CALHM3: variants seen among roughly 807,000 people sequenced by gnomAD.
The protein encoded by CALHM3 is calcium homeostasis modulator protein 3.
Under a neutral mutation model 13.6 loss-of-function variants are expected in CALHM3, and 9 were observed. That is an observed-to-expected ratio of 0.66 (90% CI 0.40 to 1.15). The LOEUF (loss-of-function observed/expected upper bound fraction) is 1.15. CALHM3 is among the 50% of genes most tolerant of loss of function. The pLI is 0.01. For missense variants in CALHM3, 497 were observed against 463.4 expected (o/e 1.07, Z -0.67); for synonymous variants, 231 against 213.2 (o/e 1.08, Z -0.73).
At position 103,472,932 on chromosome 10, in the gene CALHM3, C is replaced by T. The variant is rs7069571; in HGVS notation, c.*281G>A. 2 of 360,950 alleles carry T rather than the reference C, an allele frequency of 5.5e-6. No homozygotes were observed. Among genetic ancestry groups the T allele is most frequent in the Non-Finnish European group, 9.8e-6 (2 of 203,576 alleles). 22.4% of individuals were successfully genotyped at this position (360,950 alleles called of 1,614,324 possible). On this transcript the variant is annotated 3_prime_UTR_variant, in exon 3 of 3. Transcript: ENST00000369783. ...TCACTGACCAAAAGCACATCAGCCT[C>T]CAGGAGCTTGTTTAAAATGCAGAAT...
At chr10:103,474,747 G>A (rs1179378845) in intron 2 of CALHM3, among the ~76,000 whole-genome samples, 3 of 152,098 alleles carry the variant, frequency 2.0e-5, no homozygotes, top group Admixed American at 6.6e-5. Flanking sequence ...GAGCCACCAC[G>A]CCCGGCCCCC....
chr10:103,474,873 T>A (rs562997957), intron 2 of CALHM3, among the ~76,000 whole-genome samples: 1 of 152,174 alleles, frequency 6.6e-6, no homozygotes, highest in Non-Finnish European at 1.5e-5. Context: ...AACTAGGGGC[T>A]CAGTCGTTGC....
intron 1 of CALHM3, 118 bp from the exon 2 acceptor site, chr10:103,476,667 A>T: frequency 8.1e-7 from 1 of 1,236,296 alleles, no homozygotes; most frequent in East Asian, 2.5e-5. Flanking sequence ...TGCAGCTCCC[A>T]GTGTAGAGGT....
In CALHM3 at chr10:103,473,417, T is replaced by TGGGGGCTCAGGCACTGCG. The variant is rs143800079; in HGVS notation, c.813_830dup (p.Ala272_Pro277dup). On this transcript the variant is annotated inframe_insertion, in exon 3 of 3. Coordinates refer to ENST00000369783, the MANE Select transcript of CALHM3 (RefSeq NM_001129742.2). ...TCCCACTTCCACTATCCAGGCCTTC[T>TGGGGGCTCAGGCACTGCG]GGGGGCTCAGGCACTGCGGGGAGCT... The TGGGGGCTCAGGCACTGCG allele has an allele frequency of 0.023, 34,735 of 1,517,292 alleles. 3,850 individuals are homozygous for TGGGGGCTCAGGCACTGCG. In the African/African-American group the frequency reaches 0.3, roughly 13 times the overall value. 94.0% of individuals were successfully genotyped at this position (1,517,292 alleles called of 1,614,324 possible).
chr10:103,478,634 T>A, intron 1 of CALHM3, 112 bp downstream of exon 1: 1 of 1,134,802 alleles, frequency 8.8e-7, no homozygotes, highest in Non-Finnish European at 1.2e-6. Context: ...GGGTGGAGAA[T>A]CCCCTGATAA....
Position 103,476,507 on chromosome 10 carries a change from G to C in CALHM3, c.330C>G (p.Pro110=). The C allele has an allele frequency of 1.3e-6, 2 of 1,551,652 alleles. No individual in the cohort carries two copies. The highest frequency in any genetic ancestry group is 1.7e-6 in the Non-Finnish European group (2 of 1,147,002). The change falls in exon 2 of 3, where the codon CCC becomes CCG. Residue 110 remains proline (P), a synonymous_variant. Coordinates refer to ENST00000369783, the MANE Select transcript of CALHM3 (RefSeq NM_001129742.2). ...SSVLQRALAA[P]LVWILLALLD... ...GGAGGGCCAGCAGGATCCAGACCAG[G>C]GGGGCGGCCAGCGCCCTCTGCAGCA...
In CALHM3 at chr10:103,479,063, G is replaced by A. The variant is rs1366156843; in HGVS notation, c.-31C>T. The A allele has an allele frequency of 1.2e-5, 18 of 1,523,786 alleles. No homozygotes were observed. The highest frequency in any genetic ancestry group is 1.4e-5 in the Non-Finnish European group (16 of 1,132,314). The allele number at this position is 1,523,786 out of a possible 1,614,324, so 94.4% of individuals were successfully genotyped here. A position where few individuals can be genotyped will look rare whatever the true frequency, so the allele number is the denominator to read the frequency against. On this transcript the variant is annotated 5_prime_UTR_variant, in exon 1 of 3. Coordinates refer to ENST00000369783, the MANE Select transcript of CALHM3 (RefSeq NM_001129742.2). The stretch of plus-strand genomic sequence containing the variant: ...CAGCCTGGGTGGGTGGGCGGCCGTC[G>A]GTTCGGCTCAGTGAGGCTCTGGCCA...
rs1050886685 is a variant in CALHM3 at position 103,478,817 on chromosome 10, C to T, written c.216G>A (p.Arg72=). The change falls in exon 1 of 3, where the codon CGG becomes CGA. Residue 72 remains arginine (R), a synonymous_variant. Transcript: ENST00000369783. ...ACTCCTCGACCATCACCACAGACTG[C>T]CGGTTGGCGAGGAGGCCGCAGAGAA... The part of the protein sequence containing the change: ...ALFLCGLLAN[R]QSVVMVEEWR... 2.6e-6 allele frequency: 4 copies of T among 1,551,462 alleles called. No individual in the cohort carries two copies. Among genetic ancestry groups the T allele is most frequent in the Non-Finnish European group, 3.5e-6 (4 of 1,146,972 alleles).
rs1592163085 is a variant in CALHM3 at position 103,473,650 on chromosome 10, A to G, written c.598T>C (p.Cys200Arg). The G allele has an allele frequency of 1.3e-6, 2 of 1,551,054 alleles. No homozygotes were observed. The highest frequency in any genetic ancestry group is 1.7e-6 in the Non-Finnish European group (2 of 1,146,974). Residue 200 changes from cysteine (C) to arginine (R), a missense_variant, in exon 3 of 3, where the codon TGC (cysteine) becomes CGC (arginine). Cys to Arg is a radical substitution (Grantham distance 180). Coordinates refer to ENST00000369783, the MANE Select transcript of CALHM3 (RefSeq NM_001129742.2). Reference sequence around the variant, plus strand: ...GTCTGGTCGAAGCAGGGCCTCAGGCAGCGGGCCAGGAAGGCCGCGATGATC... The same window carrying G: ...GTCTGGTCGAAGCAGGGCCTCAGGCGGCGGGCCAGGAAGGCCGCGATGATC... ...LLIIAAFLAR[C>R]LRPCFDQTVF... is the part of the protein sequence containing the mutation.
Position 103,473,266 on chromosome 10 carries a change from G to T in CALHM3, c.982C>A (p.Arg328Ser), listed in dbSNP as rs1355714269. 1.4e-6 allele frequency: 2 copies of T among 1,449,704 alleles called. No homozygotes were observed. Among genetic ancestry groups the T allele is most frequent in the Non-Finnish European group, 1.8e-6 (2 of 1,098,218 alleles). 89.8% of individuals were successfully genotyped at this position (1,449,704 alleles called of 1,614,324 possible). ...GTGCCCAGTGCCAAGGTAGGGGCGC[G>T]GTGGCTAAGGCCACCCCCGCAGAGC... ...PGLCGGGLSH[R>S]APTLALGTRL... is the part of the protein sequence containing the mutation. Residue 328 changes from arginine to serine, a missense_variant, in exon 3 of 3, where the codon CGC (arginine) becomes AGC (serine). Physicochemically the swap from Arg to Ser is moderately radical, Grantham distance 110. Transcript: ENST00000369783.
chr10:103,479,067 C>G lies in CALHM3; in HGVS notation c.-35G>C, dbSNP rs769520087. On this transcript the variant is annotated 5_prime_UTR_variant, in exon 1 of 3. Transcript: ENST00000369783. Reference sequence around the variant, plus strand: ...CTGGGTGGGTGGGCGGCCGTCGGTTCGGCTCAGTGAGGCTCTGGCCACCTT... The same window carrying G: ...CTGGGTGGGTGGGCGGCCGTCGGTTGGGCTCAGTGAGGCTCTGGCCACCTT... 6.6e-7 allele frequency: 1 copy of G among 1,520,736 alleles called. No individual in the cohort carries two copies. The highest frequency in any genetic ancestry group is 8.8e-7 in the Non-Finnish European group (1 of 1,130,914). 94.2% of individuals were successfully genotyped at this position (1,520,736 alleles called of 1,614,324 possible).
intron 1 of CALHM3, 122 bp downstream of exon 1, chr10:103,478,624 G>T: frequency 1.9e-6 from 2 of 1,033,192 alleles, no homozygotes; most frequent in Non-Finnish European, 2.7e-6. Flanking sequence ...CCTGTAGGGT[G>T]GGTGGAGAAT....
At chr10:103,477,884 T>C (rs1366681288) in intron 1 of CALHM3, among the ~76,000 whole-genome samples, 1 of 149,260 alleles carries the variant, frequency 6.7e-6, no homozygotes, top group Non-Finnish European at 1.5e-5. Context: ...CCCCACCCAA[T>C]CTCTGGCTCC....
At chr10:103,477,300 G>T (rs562939807) in intron 1 of CALHM3, among the ~76,000 whole-genome samples, 9 of 152,262 alleles carry the variant, frequency 5.9e-5, no homozygotes, top group Admixed American at 5.9e-4. Flanking sequence ...TTGGCCACAG[G>T]ACAGGAGCCC....
In CALHM3 at chr10:103,479,107, T is replaced by A. The variant is rs2133833935; in HGVS notation, c.-75A>T. On this transcript the variant is annotated 5_prime_UTR_variant, in exon 1 of 3. Transcript: ENST00000369783. ...CTGGCCACCTTCCTGGTGTCTGCTG[T>A]GCTGGGGACGAGCCTGGGATCTGCA... is the stretch of plus-strand genomic sequence containing the variant. The A allele has an allele frequency of 2.8e-6, 4 of 1,450,524 alleles. No homozygotes were observed. Among genetic ancestry groups the A allele is most frequent in the Non-Finnish European group, 3.7e-6 (4 of 1,080,892 alleles). The allele number at this position is 1,450,524 out of a possible 1,614,324, so 89.9% of individuals were successfully genotyped here.
intron 2 of CALHM3, among the ~76,000 whole-genome samples, chr10:103,475,981 G>A (rs1288467824): frequency 6.6e-6 from 1 of 152,214 alleles, no homozygotes; most frequent in Non-Finnish European, 1.5e-5. Context: ...CTCAGAGCCT[G>A]CTTCCTCACC....
rs2033420066 is a variant in CALHM3, at chr10:103,478,739, A to G, written c.287+7T>C. 1 of 1,514,722 alleles carries G rather than the reference A, an allele frequency of 6.6e-7. No homozygotes were observed. The highest frequency in any genetic ancestry group is 1.4e-5 in the African/African-American group (1 of 72,566). The allele number at this position is 1,514,722 out of a possible 1,614,324, so 93.8% of individuals were successfully genotyped here. A position where few individuals can be genotyped will look rare whatever the true frequency, so the allele number is the denominator to read the frequency against. On this transcript the variant is annotated splice_region_variant and intron_variant, in intron 1 of 2. Transcript: ENST00000369783. ...CTCATGGGTCACTGAGTGGTGTGGGACCGCACCTGATGATGCCTGGGTCCT... is the reference window on the plus strand; with the variant it reads ...CTCATGGGTCACTGAGTGGTGTGGGGCCGCACCTGATGATGCCTGGGTCCT...
chr10:103,475,229 A>G (rs1485777854), intron 2 of CALHM3, among the ~76,000 whole-genome samples: 1 of 152,208 alleles, frequency 6.6e-6, no homozygotes, highest in Non-Finnish European at 1.5e-5. Flanking sequence ...ACAGGGACAT[A>G]TTTGAATCCT....
In CALHM3 at chr10:103,476,465, G is replaced by A. The variant is rs766200138; in HGVS notation, c.372C>T (p.Phe124=). Reference sequence around the variant, plus strand: ...CCACAGAGCTGCTGAAGGCACACACGAAGCACTTCCCGTCAAGGAGGGCCA... The same window carrying A: ...CCACAGAGCTGCTGAAGGCACACACAAAGCACTTCCCGTCAAGGAGGGCCA... ...ILLALLDGKC[F]VCAFSSSVDP... The change falls in exon 2 of 3, where the codon TTC becomes TTT. Residue 124 remains phenylalanine, a synonymous_variant. Transcript: ENST00000369783. The A allele has an allele frequency of 2.1e-5, 33 of 1,551,588 alleles. No individual in the cohort carries two copies. The highest frequency in any genetic ancestry group is 7.8e-5 in the Admixed American group (4 of 50,986).
Sources: allele counts gnomAD v4.1 joint callset (sites outside exome capture counted in the v4.1 genomes callset), GRCh38; gene constraint gnomAD v4.1.1; transcripts MANE v1.5; gene names NCBI Gene and HGNC (gene_info 2026-07-23, HGNC 2026-07-21).